The following MAPK6 variants were observed in gnomAD, a reference collection of about 807,000 sequenced individuals.
MAPK6 encodes mitogen-activated protein kinase 6.
A neutral mutation model predicts 59.3 loss-of-function variants in MAPK6; 19 were observed. The observed-to-expected ratio is 0.32, with a 90% CI of 0.22 to 0.47. The LOEUF is 0.47. Ranked by LOEUF, MAPK6 falls within the 20% of genes least tolerant of loss-of-function variation. MAPK6 has a pLI of 1.00. For synonymous variants in MAPK6, 316 were observed against 290.3 expected (o/e 1.09, Z -0.90); for missense variants, 724 against 847.9 (o/e 0.85, Z 1.81).
chr15:51,974,210 T>TCTTGGC (rs893787487), intron 1 of MAPK6, among the ~76,000 whole-genome samples: 3 of 151,742 alleles, frequency 2.0e-5, no homozygotes, highest in Non-Finnish European at 2.9e-5. Context: ...GATCCTCGTG[T>TCTTGGC]CTTGGCCTCC....
chr15:51,984,749 A>G (rs763036195), intron 2 of MAPK6, among the ~76,000 whole-genome samples: 1 of 152,062 alleles, frequency 6.6e-6, no homozygotes, highest in Non-Finnish European at 1.5e-5. Context: ...TATTCCTGCC[A>G]TGGCTGATTT....
chr15:51,987,779 T>C (rs1193415166), intron 2 of MAPK6, among the ~76,000 whole-genome samples: 1 of 150,164 alleles, frequency 6.7e-6, no homozygotes, highest in Non-Finnish European at 1.5e-5. Flanking sequence ...TTTTTTTTTT[T>C]TTTGAGATGG....
chr15:52,063,804 C>CATAGACCTAGCACAGTGCTGTCACATAG, intron 5 of MAPK6, 98 bp from the exon 6 acceptor site: 1 of 1,053,956 alleles, frequency 9.5e-7, no homozygotes, highest in Non-Finnish European at 1.3e-6. Context: ...ATTATCCCCT[C>CATAGACCTAGCACAGTGCTGTCACATAG]ATAGACCTAG....
At chr15:52,041,377 G>T (rs534981915) in intron 1 of MAPK6, among the ~76,000 whole-genome samples, 8 of 152,178 alleles carry the variant, frequency 5.3e-5, no homozygotes, top group Non-Finnish European at 1.2e-4. Flanking sequence ...TGTATTTTTA[G>T]TAGAGATGGG....
upstream of MAPK6, among the ~76,000 whole-genome samples, chr15:52,016,694 T>C (rs530673480): frequency 3.9e-4 from 59 of 152,174 alleles, no homozygotes; most frequent in Non-Finnish European, 7.8e-4. Context: ...CTTAAACTAT[T>C]ATAACACAAA....
chr15:52,004,310 C>G (rs746923487), exon 3 of MAPK6: 2 of 152,168 alleles, frequency 1.3e-5, no homozygotes, highest in Non-Finnish European at 2.9e-5. Flanking sequence ...TATCCATAAG[C>G]CTTCATCAGA....
At chr15:52,045,639 G>A (rs1344367503) in intron 1 of MAPK6, among the ~76,000 whole-genome samples, 191 bp from the exon 2 acceptor site, 1 of 152,158 alleles carries the variant, frequency 6.6e-6, no homozygotes, top group Non-Finnish European at 1.5e-5. Flanking sequence ...CCGGGCCAAC[G>A]TGTGTGAATT....
chr15:51,999,675 G>A (rs2057236841), intron 2 of MAPK6, among the ~76,000 whole-genome samples: 1 of 151,652 alleles, frequency 6.6e-6, no homozygotes, highest in Non-Finnish European at 1.5e-5. Context: ...ACAGGATCTG[G>A]CTCTGTCATC....
chr15:51,993,427 A>G (rs1000091896), intron 2 of MAPK6, among the ~76,000 whole-genome samples: 1 of 152,238 alleles, frequency 6.6e-6, no homozygotes, highest in African/African-American at 2.4e-5. Context: ...TTGTTTACAA[A>G]TGGAAGGATT....
chr15:52,063,888 T>TTGATTTTTTTCAGGTATCATGATTG lies in MAPK6; in HGVS notation c.1068-12_1080dup. 1 of 1,530,496 alleles carries TTGATTTTTTTCAGGTATCATGATTG rather than the reference T, an allele frequency of 6.5e-7. No individual in the cohort carries two copies. The highest frequency in any genetic ancestry group is 8.8e-7 in the Non-Finnish European group (1 of 1,141,464). 94.8% of individuals were successfully genotyped at this position (1,530,496 alleles called of 1,614,324 possible). ...ATATACGTAGAATAACGCTAGTGTATTGATTTTTTTCAGGTATCATGATTG... is the reference window on the plus strand; with the variant it reads ...ATATACGTAGAATAACGCTAGTGTATTGATTTTTTTCAGGTATCATGATTGTGATTTTTTTCAGGTATCATGATTG... On this transcript the variant is annotated splice_polypyrimidine_tract_variant and intron_variant, in intron 5 of 5. Coordinates refer to ENST00000261845, the MANE Select transcript of MAPK6 (RefSeq NM_002748.4).
At chr15:52,054,622 C>T (rs980097624) in intron 3 of MAPK6, among the ~76,000 whole-genome samples, 79 of 151,906 alleles carry the variant, frequency 5.2e-4, no homozygotes, top group Non-Finnish European at 7.8e-4. Flanking sequence ...GAGCGGAGTT[C>T]AGTTCCACCC....
At chr15:51,986,649 T>TA (rs2057191998) in intron 2 of MAPK6, among the ~76,000 whole-genome samples, 1 of 152,234 alleles carries the variant, frequency 6.6e-6, no homozygotes. Context: ...TTTCAGCCAC[T>TA]AGTACCATAA....
intron 3 of MAPK6, among the ~76,000 whole-genome samples, chr15:52,008,244 G>C (rs757481329): frequency 5.9e-5 from 9 of 152,134 alleles, no homozygotes; most frequent in Non-Finnish European, 1.0e-4. Context: ...AATGTCCTCA[G>C]CACAAGCAGT....
chr15:52,020,094 G>A (rs1180272953), intron 1 of MAPK6: 3 of 152,260 alleles, frequency 2.0e-5, no homozygotes, highest in Admixed American at 6.5e-5. Context: ...TCTTTCCTTA[G>A]CTTCTTTCGG....
In MAPK6 at chr15:52,064,425, A is replaced by T. The variant is rs1401148589; in HGVS notation, c.1591A>T (p.Ile531Phe). The part of the protein sequence containing the change: ...KNQGFDFDSF[I>F]AGTIQLSSQH... ...TCAGGGATTTGATTTTGATTCCTTTATTGCAGGAACTATTCAGCTTAGTTC... is the reference window on the plus strand; with the variant it reads ...TCAGGGATTTGATTTTGATTCCTTTTTTGCAGGAACTATTCAGCTTAGTTC... Residue 531 changes from isoleucine (I) to phenylalanine (F), a missense_variant, in exon 6 of 6, where the codon ATT (isoleucine) becomes TTT (phenylalanine). By Grantham distance (21) the Ile-to-Phe change is conservative. This residue lies in a region of MAPK6 where 502 missense variants were observed against 507.6 expected (regional missense o/e 0.99). Transcript: ENST00000261845. 6.2e-7 allele frequency: 1 copy of T among 1,611,758 alleles called. No individual in the cohort carries two copies. The highest frequency in any genetic ancestry group is 1.7e-5 in the Admixed American group (1 of 59,984).
At chr15:51,988,624 C>T (rs1417701077) in intron 2 of MAPK6, among the ~76,000 whole-genome samples, 3 of 151,698 alleles carry the variant, frequency 2.0e-5, no homozygotes, top group Non-Finnish European at 2.9e-5. Flanking sequence ...CCCAGCTACT[C>T]GGGAGGCTGA....
chr15:52,015,635 GC>G (rs1355444589), upstream of MAPK6, among the ~76,000 whole-genome samples: 6 of 151,144 alleles, frequency 4.0e-5, no homozygotes, highest in East Asian at 1.2e-3. Context: ...ACCACGCCCG[GC>G]TAATTTTTTT....
At chr15:51,983,011 G>A (rs1452966035) in intron 1 of MAPK6, among the ~76,000 whole-genome samples, 1 of 152,152 alleles carries the variant, frequency 6.6e-6, no homozygotes, top group Non-Finnish European at 1.5e-5. Flanking sequence ...TTAACTTTCA[G>A]ATGTGCAAAC....
intron 1 of MAPK6, among the ~76,000 whole-genome samples, chr15:51,978,735 A>G (rs926926705): frequency 3.3e-5 from 5 of 151,814 alleles, no homozygotes; most frequent in Non-Finnish European, 5.9e-5. Flanking sequence ...CAGAATTTTG[A>G]AAAAGGGATT....
Sources: allele counts gnomAD v4.1 joint callset (sites outside exome capture counted in the v4.1 genomes callset), GRCh38; gene constraint gnomAD v4.1.1; regional missense constraint gnomAD v4.1.1; transcripts MANE v1.5; gene names NCBI Gene and HGNC (gene_info 2026-07-23, HGNC 2026-07-21).